Variants in LAMA5 observed in about 807,000 individuals in gnomAD.
LAMA5 encodes laminin subunit alpha-5.
In LAMA5, 260 loss-of-function variants were observed where a neutral mutation model predicts 433.4. That is an observed-to-expected ratio of 0.60 (90% CI 0.54 to 0.66). The LOEUF is 0.66. LAMA5 is among the 30% of genes least tolerant of loss of function. The pLI is 0.00. For synonymous variants in LAMA5, 2,620 were observed against 2,226.6 expected, an observed-to-expected ratio of 1.18 and a Z score of -4.97; for missense variants, 5,378 against 5,258.5, an observed-to-expected ratio of 1.02 and a Z score of -0.70.
rs1981169603 is a variant in LAMA5 at position 62,334,513 on chromosome 20, G to A, written c.2582+9C>T. 32 of 1,546,424 alleles carry A rather than the reference G, an allele frequency of 2.1e-5. No individual in the cohort carries two copies. The highest frequency in any genetic ancestry group is 2.7e-5 in the Non-Finnish European group (31 of 1,145,624). Reference sequence around the variant, plus strand: ...GCTCCCCACCACCCAGTGGGGAAGGGGTACCCACTCGCTGCAGGTGGGGCC... The same window carrying A: ...GCTCCCCACCACCCAGTGGGGAAGGAGTACCCACTCGCTGCAGGTGGGGCC... On this transcript the variant is annotated intron_variant, in intron 21 of 79. Transcript: ENST00000252999.
intron 11 of LAMA5, among the ~76,000 whole-genome samples, chr20:62,339,036 CAAA>C (rs547740017): frequency 8.0e-6 from 1 of 125,400 alleles, no homozygotes; most frequent in Non-Finnish European, 1.6e-5. Flanking sequence ...GACTCCGTCT[CAAA>C]AAAAAAAAAA....
In LAMA5 at chr20:62,327,441, A is replaced by T. The variant is rs749786551; in HGVS notation, c.4939-35T>A. The T allele has an allele frequency of 6.9e-6, 11 of 1,593,922 alleles. No homozygotes were observed. The African/African-American group carries it at 1.3e-4, about 19-fold the overall frequency. On this transcript the variant is annotated intron_variant, in intron 37 of 79. Coordinates refer to ENST00000252999, the MANE Select transcript of LAMA5 (RefSeq NM_005560.6). ...CACACGTGTGGCTGCACACGGGTGG[A>T]TGCCCACACATCACAGGGCCCCATC...
intron 53 of LAMA5, 136 bp downstream of exon 53, chr20:62,318,318 G>GGAGGA: frequency 3.5e-6 from 1 of 283,386 alleles, no homozygotes; most frequent in Non-Finnish European, 6.4e-6. Flanking sequence ...AAGAGGAGGA[G>GGAGGA]GGGGGGAGGA....
In LAMA5 at chr20:62,312,497, C is replaced by T. The variant is rs145192286; in HGVS notation, c.9263G>A (p.Arg3088His). 43 of 1,598,590 alleles carry T rather than the reference C, an allele frequency of 2.7e-5. No individual in the cohort carries two copies. Among genetic ancestry groups the T allele is most frequent in the East Asian group, 1.8e-4 (8 of 44,868 alleles). Residue 3088 changes from arginine (R) to histidine (H), a missense_variant, in exon 68 of 80, where the codon CGT becomes CAT. Transcript: ENST00000252999. ...RRLFPTGGSV[R>H]GCVKGIKALG... ...GGCCTTGATGCCTTTGACGCAGCCACGGACTGAGCCTCCGGTGGGGAAGAG... is the reference window on the plus strand; with the variant it reads ...GGCCTTGATGCCTTTGACGCAGCCATGGACTGAGCCTCCGGTGGGGAAGAG...
At chr20:62,316,368 C>T (rs1345783114) in intron 57 of LAMA5, 14 of 542,746 alleles carry the variant, frequency 2.6e-5, no homozygotes, top group Middle Eastern at 9.9e-4. Flanking sequence ...CAGCTTGGCA[C>T]GCGTGTAGCC....
In LAMA5 at chr20:62,324,395, G is replaced by GCC; in HGVS notation, c.5643+44_5643+45dup. 6.0e-6 allele frequency: 9 copies of GCC among 1,502,380 alleles called. No homozygotes were observed. Among genetic ancestry groups the GCC allele is most frequent in the Non-Finnish European group, 7.3e-6 (8 of 1,089,304 alleles). 93.1% of individuals were successfully genotyped at this position (1,502,380 alleles called of 1,614,324 possible). A position where few individuals can be genotyped will look rare whatever the true frequency, so the allele number is the denominator to read the frequency against. On this transcript the variant is annotated intron_variant, in intron 42 of 79. Coordinates refer to ENST00000252999, the MANE Select transcript of LAMA5 (RefSeq NM_005560.6). This position sits in a 1 kb window ranked among gnomAD's most constrained non-coding sequence, Gnocchi z 4.4. ...GGTCTTCCCTGGCACACTTGACTGTGCCTTCAGTGAATGCTGCCCCCCTGG... is the reference window on the plus strand; with the variant it reads ...GGTCTTCCCTGGCACACTTGACTGTGCCCCTTCAGTGAATGCTGCCCCCCTGG...
chr20:62,313,821 G>A lies in LAMA5; in HGVS notation c.8505-19C>T, dbSNP rs746199677. On this transcript the variant is annotated intron_variant, in intron 62 of 79. Coordinates refer to ENST00000252999, the MANE Select transcript of LAMA5 (RefSeq NM_005560.6). The stretch of plus-strand genomic sequence containing the variant: ...GAGAGTCCTGAGGGCAGAGGCGAGG[G>A]GTGGCGAGTGGGCACGGAGAGATGA... 8 of 1,610,738 alleles carry A rather than the reference G, an allele frequency of 5.0e-6. No homozygotes were observed. The highest frequency in any genetic ancestry group is 1.7e-5 in the Admixed American group (1 of 59,868).
intron 11 of LAMA5, 110 bp from the exon 12 acceptor site, chr20:62,338,718 A>T: frequency 9.2e-7 from 1 of 1,090,870 alleles, no homozygotes; most frequent in South Asian, 1.6e-5. Context: ...CTTTTACACA[A>T]CACTAACTAG....
At chr20:62,337,442 A>T (rs1326305828) in intron 16 of LAMA5, 148 bp downstream of exon 16, 1 of 1,082,872 alleles carries the variant, frequency 9.2e-7, no homozygotes. Flanking sequence ...CATGTGAACA[A>T]GGTGCGAACA....
chr20:62,330,861 C>A lies in LAMA5; in HGVS notation c.3734G>T (p.Gly1245Val). ...ATCCTGCGCGTGGGTCAGCGGGAGGCCGGGCGGCAGCGGGATCACCTGGCA... is the reference window on the plus strand; with the variant it reads ...ATCCTGCGCGTGGGTCAGCGGGAGGACGGGCGGCAGCGGGATCACCTGGCA... The part of the protein sequence containing the change: ...RDCQVIPLPP[G>V]LPLTHAQDLT... The change falls in exon 30 of 80, where the codon GGC becomes GTC. Residue 1245 changes from glycine to valine, a missense_variant. Gly to Val is a moderately radical substitution (Grantham distance 109). Transcript: ENST00000252999. The A allele has an allele frequency of 1.9e-6, 3 of 1,540,904 alleles. No individual in the cohort carries two copies. Among genetic ancestry groups the A allele is most frequent in the Non-Finnish European group, 2.6e-6 (3 of 1,143,458 alleles).
At chr20:62,360,742 GA>G (rs1986034627) in intron 2 of LAMA5, among the ~76,000 whole-genome samples, 1 of 151,214 alleles carries the variant, frequency 6.6e-6, no homozygotes, top group South Asian at 2.1e-4. Flanking sequence ...TACAGTTGGT[GA>G]AACTGAGGCT....
chr20:62,346,881 C>T lies in LAMA5; in HGVS notation c.1072+32G>A, dbSNP rs768271890. On this transcript the variant is annotated intron_variant, in intron 7 of 79. Coordinates refer to ENST00000252999, the MANE Select transcript of LAMA5 (RefSeq NM_005560.6). ...GCCCTCTCATGGGCCAGGGTGTGGGCAGGACACACGTGTGTGGGAGGAGGC... is the reference window on the plus strand; with the variant it reads ...GCCCTCTCATGGGCCAGGGTGTGGGTAGGACACACGTGTGTGGGAGGAGGC... 4 of 1,609,806 alleles carry T rather than the reference C, an allele frequency of 2.5e-6. No homozygotes were observed. In the South Asian group the frequency reaches 4.4e-5, roughly 18 times the overall value.
chr20:62,332,577 G>T lies in LAMA5; in HGVS notation c.3423C>A (p.Ser1141=). Reference sequence around the variant, plus strand: ...CTCACCTGTACAGGCAGGGGTGCAGGGAGAGCAGCCCCTGCTGGGGGGCCC... The same window carrying T: ...CTCACCTGTACAGGCAGGGGTGCAGTGAGAGCAGCCCCTGCTGGGGGGCCC... ...PQRAPQQGLL[S]LHPCLYSTLC... The change falls in exon 27 of 80, where the codon TCC becomes TCA. Residue 1141 remains serine, a synonymous_variant. Transcript: ENST00000252999. 6.3e-7 allele frequency: 1 copy of T among 1,594,470 alleles called. No individual in the cohort carries two copies. The highest frequency in any genetic ancestry group is 8.6e-7 in the Non-Finnish European group (1 of 1,168,450).
At chr20:62,340,568 C>A (rs1214185911) in intron 11 of LAMA5, among the ~76,000 whole-genome samples, 1 of 151,816 alleles carries the variant, frequency 6.6e-6, no homozygotes, top group Non-Finnish European at 1.5e-5. Context: ...ACCTCAGCCT[C>A]CCAAAGTGCT....
Position 62,318,476 on chromosome 20 carries a change from TGGTTGC to T in LAMA5, c.7211_7216del (p.Arg2404_Asn2405del). ...CACCAGGGCTTCCTCCAGGCGCTCCTGGTTGCGGCTGTTGAGCTCCTGGGCCTCCCG... is the reference window on the plus strand; with the variant it reads ...CACCAGGGCTTCCTCCAGGCGCTCCTGGCTGTTGAGCTCCTGGGCCTCCCG... On this transcript the variant is annotated inframe_deletion, in exon 53 of 80. Transcript: ENST00000252999. 6.2e-7 allele frequency: 1 copy of T among 1,602,006 alleles called. No individual in the cohort carries two copies. The highest frequency in any genetic ancestry group is 8.5e-7 in the Non-Finnish European group (1 of 1,176,160).
Position 62,322,128 on chromosome 20 carries a change from G to A in LAMA5, c.6387C>T (p.Gly2129=). 6.2e-7 allele frequency: 1 copy of A among 1,602,772 alleles called. No homozygotes were observed. Residue 2129 remains glycine (G), a synonymous_variant, in exon 48 of 80, where the codon GGC becomes GGT. Coordinates refer to ENST00000252999, the MANE Select transcript of LAMA5 (RefSeq NM_005560.6). ...CPGGRCDPHT[G]RCNCPPGLSG... ...TGAGCCCCGGGGGGCAGTTGCAGCGGCCCGTGTGAGGGTCACAGCGGCCCC... is the reference window on the plus strand; with the variant it reads ...TGAGCCCCGGGGGGCAGTTGCAGCGACCCGTGTGAGGGTCACAGCGGCCCC...
At position 62,330,824 on chromosome 20, in the gene LAMA5, G is replaced by C; in HGVS notation, c.3771C>G (p.Ala1257=). ...GAGGTCGGGGTCCAGCTGGGGACAT[G>C]GCTGGAGTGAGATCCTGCGCGTGGG... The part of the protein sequence containing the change: ...PLTHAQDLTP[A]MSPAGPRPRP... The change falls in exon 30 of 80, where the codon GCC becomes GCG. Residue 1257 remains alanine (A), a synonymous_variant. Transcript: ENST00000252999. 2.6e-6 allele frequency: 4 copies of C among 1,546,662 alleles called. No homozygotes were observed. Among genetic ancestry groups the C allele is most frequent in the Non-Finnish European group, 3.5e-6 (4 of 1,145,964 alleles).
rs374558327 is a variant in LAMA5 at position 62,329,905 on chromosome 20, C to T, written c.3991G>A (p.Ala1331Thr). ...CCGTAGCCATGTGGACAGAAGCTGGCGTTGGCGTGGCCTGGGCGGGGGAGA... is the reference window on the plus strand; with the variant it reads ...CCGTAGCCATGTGGACAGAAGCTGGTGTTGGCGTGGCCTGGGCGGGGGAGA... ...AGRVWQGHANASFCPHGYGCR... is the reference protein window; with the variant it reads ...AGRVWQGHANTSFCPHGYGCR... Residue 1331 changes from alanine (A) to threonine (T), a missense_variant, in exon 32 of 80, where the codon GCC (alanine) becomes ACC (threonine). Transcript: ENST00000252999. The T allele has an allele frequency of 8.1e-6, 13 of 1,611,410 alleles. No individual in the cohort carries two copies. The highest frequency in any genetic ancestry group is 1.8e-4 in the Middle Eastern group (1 of 5,522).
chr20:62,313,111 C>A lies in LAMA5; in HGVS notation c.8932G>T (p.Val2978Leu), dbSNP rs374264581. ...ACCTGCTGCTTCAGGAAGAAGAGCA[C>A]CCCGCTGTAGGACACGAGCCGCAGC... ...QELRLVSYSG[V>L]LFFLKQQSQF... The change falls in exon 65 of 80, where the codon GTG becomes TTG. Residue 2978 changes from valine to leucine, a missense_variant. Transcript: ENST00000252999. 10 of 1,609,266 alleles carry A rather than the reference C, an allele frequency of 6.2e-6. No individual in the cohort carries two copies. The highest frequency in any genetic ancestry group is 8.5e-6 in the Non-Finnish European group (10 of 1,179,752).
Sources: allele counts gnomAD v4.1 joint callset (sites outside exome capture counted in the v4.1 genomes callset), GRCh38; gene constraint gnomAD v4.1.1; non-coding constraint Gnocchi (gnomAD v3.1); transcripts MANE v1.5; gene names NCBI Gene and HGNC (gene_info 2026-07-23, HGNC 2026-07-21).